SLC22A12: variants seen among roughly 807,000 people sequenced by gnomAD.
SLC22A12 encodes the protein solute carrier family 22 member 12, also known as organic anion transporter 4-like protein.
A neutral mutation model predicts 52.7 loss-of-function variants in SLC22A12; 56 were observed. The observed-to-expected ratio is 1.06, with a 90% confidence interval of 0.86 to 1.33. The LOEUF is 1.33. Among genes scored for constraint, SLC22A12 ranks in the 40% most tolerant of loss-of-function variants. SLC22A12 has a pLI of 0.00. For missense variants in SLC22A12, 683 were observed against 741.5 expected, an observed-to-expected ratio of 0.92 and a Z score of 0.92; for synonymous variants, 337 against 324.6, an observed-to-expected ratio of 1.04 and a Z score of -0.41.
chr11:64,600,302 T>C (rs1158376654), intron 7 of SLC22A12, 65 bp from the exon 8 acceptor site: 10 of 1,279,096 alleles, frequency 7.8e-6, no homozygotes, highest in Admixed American at 1.9e-5. Flanking sequence ...CCCCCTGGGC[T>C]GAAGGGAGCC....
chr11:64,593,774 C>A lies in SLC22A12; in HGVS notation c.801C>A (p.Val267=). The change falls in exon 4 of 10, where the codon GTC becomes GTA. Residue 267 remains valine, a synonymous_variant. Transcript: ENST00000377574. ...DWTLLQLVVS[V]PFFLCFLYSW... is the part of the protein sequence containing the mutation. The stretch of plus-strand genomic sequence containing the variant: ...CACTGCTGCAGCTGGTGGTCTCGGT[C>A]CCCTTCTTCCTCTGCTTTTTGTACT... 6.2e-7 allele frequency: 1 copy of A among 1,610,002 alleles called. No individual in the cohort carries two copies. Among genetic ancestry groups the A allele is most frequent in the South Asian group, 1.1e-5 (1 of 91,084 alleles).
chr11:64,600,936 C>T lies in SLC22A12; in HGVS notation c.1596C>T (p.Asn532=). ...CCGACACCATCCAAGATGTGCAGAA[C>T]CAGTGAGTGGACCCAGCCTCGGGAC... ...PLPDTIQDVQ[N]QAVKKATHGT... Residue 532 remains asparagine, a splice_region_variant and synonymous_variant, in exon 9 of 10, where the codon AAC becomes AAT. Transcript: ENST00000377574. The T allele has an allele frequency of 6.2e-7, 1 of 1,607,914 alleles. No individual in the cohort carries two copies. Among genetic ancestry groups the T allele is most frequent in the African/African-American group, 1.3e-5 (1 of 75,014 alleles).
rs72922827 is a variant in SLC22A12, at chr11:64,591,323, C to T, written c.-234C>T. The T allele has an allele frequency of 0.027, 15,863 of 585,568 alleles. 314 individuals carry two copies. The highest frequency in any genetic ancestry group is 0.035 in the Non-Finnish European group (11,616 of 332,496). 36.3% of individuals were successfully genotyped at this position (585,568 alleles called of 1,614,324 possible). ...CTCTCTGGGGAGATGCTGGAGGTCT[C>T]GGAATCACCTCACGCGGCCTCAGGG... is the stretch of plus-strand genomic sequence containing the variant. On this transcript the variant is annotated 5_prime_UTR_variant, in exon 1 of 10. Coordinates refer to ENST00000377574, the MANE Select transcript of SLC22A12 (RefSeq NM_144585.4).
At chr11:64,595,008 T>TGGAC in intron 4 of SLC22A12, among the ~76,000 whole-genome samples, 1 of 132,846 alleles carries the variant, frequency 7.5e-6, no homozygotes, top group African/African-American at 2.9e-5. Context: ...GATGGATGGA[T>TGGAC]GGATGGATGG....
chr11:64,595,611 T>TG (rs2039148532), intron 4 of SLC22A12, among the ~76,000 whole-genome samples: 2 of 139,514 alleles, frequency 1.4e-5, no homozygotes, highest in South Asian at 2.4e-4. Context: ...GATGGATGGT[T>TG]GAATGGATGG....
chr11:64,595,011 A>G (rs912927721), intron 4 of SLC22A12, among the ~76,000 whole-genome samples: 8 of 130,450 alleles, frequency 6.1e-5, no homozygotes, highest in Non-Finnish European at 1.1e-4. Context: ...GGATGGATGG[A>G]TGGATGGATG....
intron 5 of SLC22A12, 37 bp downstream of exon 5, chr11:64,598,676 C>T (rs543279317): frequency 6.2e-7 from 1 of 1,602,454 alleles, no homozygotes; most frequent in Non-Finnish European, 8.5e-7. Flanking sequence ...GACCCTCAGA[C>T]CCTCTCCCTG....
intron 6 of SLC22A12, 77 bp from the exon 7 acceptor site, chr11:64,599,599 C>CCCCCATTTT: frequency 2.8e-6 from 2 of 702,616 alleles, no homozygotes; most frequent in South Asian, 2.6e-5. Context: ...GAGCCCCCAC[C>CCCCCATTTT]GCCCATTGTT....
intron 1 of SLC22A12, 72 bp from the exon 2 acceptor site, chr11:64,592,707 C>A: frequency 7.8e-7 from 1 of 1,283,660 alleles, no homozygotes; most frequent in Non-Finnish European, 1.1e-6. Flanking sequence ...GGGGGCCCTC[C>A]CATGCGGTTC....
At chr11:64,593,341 C>T in intron 2 of SLC22A12, 64 bp from the exon 3 acceptor site, 6 of 1,609,796 alleles carry the variant, frequency 3.7e-6, no homozygotes, top group Non-Finnish European at 4.2e-6. Context: ...CTAGGTGTTC[C>T]AGAGCCCCGT....
chr11:64,594,963 TG>T (rs1341258630), intron 4 of SLC22A12, among the ~76,000 whole-genome samples: 1 of 27,244 alleles, frequency 3.7e-5, no homozygotes, highest in Non-Finnish European at 1.4e-4. Context: ...GATGGATGGT[TG>T]GAATAGATGG....
intron 4 of SLC22A12, among the ~76,000 whole-genome samples, chr11:64,596,253 T>TGGATGGATGGAATGGATGGATG (rs1554987881): frequency 1.7e-5 from 2 of 115,326 alleles, no homozygotes; most frequent in African/African-American, 7.1e-5. Context: ...ATGGAATGGA[T>TGGATGGATGGAATGGATGGATG]GGATGGATGG....
rs565889764 is a variant in SLC22A12 at position 64,598,897 on chromosome 11, C to T, written c.1044C>T (p.Phe348=). 1.2e-4 allele frequency: 196 copies of T among 1,612,962 alleles called. No homozygotes were observed. Among genetic ancestry groups the T allele is most frequent in the Non-Finnish European group, 1.6e-4 (186 of 1,179,988 alleles). ...GTLLRMPGLR[F]RTCISTLCWF... ...TGCTCCGCATGCCCGGACTGCGCTT[C>T]CGGACCTGTATCTCCACGTTGTGCT... The change falls in exon 6 of 10, where the codon TTC becomes TTT. Residue 348 remains phenylalanine (F), a synonymous_variant. Transcript: ENST00000377574.
At chr11:64,594,482 A>G (rs77483574) in intron 4 of SLC22A12, among the ~76,000 whole-genome samples, 2 of 83,030 alleles carry the variant, frequency 2.4e-5, no homozygotes, top group African/African-American at 8.0e-5. Context: ...GTAGAAATAG[A>G]TAGATAGGTA....
chr11:64,592,657 C>T (rs2038957092), intron 1 of SLC22A12, 122 bp from the exon 2 acceptor site: 2 of 816,468 alleles, frequency 2.4e-6, no homozygotes, highest in African/African-American at 3.3e-5. Flanking sequence ...TGCTCTAAAA[C>T]CCTAGAGGTC....
intron 4 of SLC22A12, among the ~76,000 whole-genome samples, chr11:64,597,835 T>C (rs1362100155): frequency 1.3e-5 from 2 of 151,930 alleles, no homozygotes; most frequent in African/African-American, 4.8e-5. Flanking sequence ...GACAGGTCAG[T>C]GTGAGGGGCT....
intron 4 of SLC22A12, among the ~76,000 whole-genome samples, chr11:64,595,219 T>G: frequency 5.5e-5 from 1 of 18,124 alleles, no homozygotes. Context: ...AATAGATGGA[T>G]GGATGGATGG....
Position 64,601,641 on chromosome 11 carries a change from C to A in SLC22A12, c.*90C>A, listed in dbSNP as rs2039458959. On this transcript the variant is annotated 3_prime_UTR_variant, in exon 10 of 10. Transcript: ENST00000377574. ...AGGAGGAAAGCAAAGACCTCCATTT[C>A]CAGAGGCCCAGAGGCTGCCCTCTGA... The A allele has an allele frequency of 3.6e-6, 5 of 1,387,456 alleles. No homozygotes were observed. The highest frequency in any genetic ancestry group is 3.8e-5 in the Admixed American group (2 of 52,990). The allele number at this position is 1,387,456 out of a possible 1,614,324, so 85.9% of individuals were successfully genotyped here.
At chr11:64,599,911 A>G (rs779630414) in intron 7 of SLC22A12, 21 bp downstream of exon 7, 2 of 1,607,890 alleles carry the variant, frequency 1.2e-6, no homozygotes, top group Admixed American at 1.7e-5. Flanking sequence ...AAAGCTGTAC[A>G]CCAGAGACTT....
Sources: gnomAD v4.1 joint callset for allele counts (sites outside exome capture counted in the v4.1 genomes callset) on GRCh38, gnomAD v4.1.1 for gene constraint, MANE v1.5 for transcripts, NCBI Gene and HGNC (gene_info 2026-07-23, HGNC 2026-07-21) for gene names.